EHBP1: variants seen among roughly 807,000 people sequenced by gnomAD.
EHBP1 encodes the protein EH domain binding protein 1, also known as EH domain-binding protein 1.
In EHBP1, 55 loss-of-function variants were observed where a neutral mutation model predicts 144.0. That is an observed-to-expected ratio of 0.38 (90% CI 0.31 to 0.48). The LOEUF is 0.48. EHBP1 is among the 20% of genes least tolerant of loss of function. The pLI is 0.98. For missense variants in EHBP1, 1,200 were observed against 1,364.2 expected (o/e 0.88, Z 1.90); for synonymous variants, 469 against 472.7 (o/e 0.99, Z 0.10).
rs528549917 is a variant in EHBP1, at chr2:62,833,639, A to C, written c.634+2481A>C. Among the ~76,000 whole-genome samples the C allele has an allele frequency of 3.9e-4, 60 of 152,332 alleles. 1 individual carries two copies. Among genetic ancestry groups the C allele is most frequent in the Admixed American group, 1.8e-3 (27 of 15,292 alleles). On this transcript the variant is annotated intron_variant, in intron 7 of 22. Coordinates refer to ENST00000431489, the MANE Select transcript of EHBP1 (RefSeq NM_001142616.3). The stretch of plus-strand genomic sequence containing the variant: ...TTTTAGTACACTCCCTGAAAAAACA[A>C]CACCACTGCTCATTGACAGCGTACC...
intron 10 of EHBP1, among the ~76,000 whole-genome samples, chr2:62,920,059 A>T (rs2054947498): frequency 6.6e-6 from 1 of 152,166 alleles, no homozygotes; most frequent in South Asian, 2.1e-4. Flanking sequence ...AAAGGGAGAG[A>T]TAATATTTGA....
chr2:63,026,021 G>C (rs1176369961), intron 19 of EHBP1, among the ~76,000 whole-genome samples: 2 of 152,186 alleles, frequency 1.3e-5, no homozygotes, highest in African/African-American at 4.8e-5. Context: ...ATTTAAAAAG[G>C]CCGAATGATG....
chr2:62,866,206 C>G (rs1206908528), intron 9 of EHBP1, among the ~76,000 whole-genome samples: 1 of 152,200 alleles, frequency 6.6e-6, no homozygotes, highest in African/African-American at 2.4e-5. Flanking sequence ...CTAGGCCTAC[C>G]TAACAAAGCT....
At chr2:62,865,074 A>G (rs576417835) in intron 9 of EHBP1, 103 bp downstream of exon 9, 15 of 1,292,640 alleles carry the variant, frequency 1.2e-5, no homozygotes, top group Middle Eastern at 2.1e-4. Flanking sequence ...ATTAATGTAC[A>G]CTTTATAAGT....
At chr2:62,808,218 C>CTTTTTTTTTTTTTTTTTT (rs59599464) in intron 5 of EHBP1, among the ~76,000 whole-genome samples, 1 of 138,130 alleles carries the variant, frequency 7.2e-6, no homozygotes, top group Non-Finnish European at 1.6e-5. Context: ...TCTTCTGTTC[C>CTTTTTTTTTTTTTTTTTT]TTTTTTTTTT....
intron 2 of EHBP1, among the ~76,000 whole-genome samples, chr2:62,734,519 A>C (rs756310083): frequency 2.6e-5 from 4 of 151,972 alleles, no homozygotes; most frequent in Non-Finnish European, 5.9e-5. Context: ...GTCTACATCT[A>C]CTTACTTTTA....
intron 5 of EHBP1, among the ~76,000 whole-genome samples, chr2:62,801,259 A>G (rs1002703477): frequency 1.3e-5 from 2 of 152,244 alleles, no homozygotes; most frequent in African/African-American, 4.8e-5. Context: ...TAAAAGAAGT[A>G]CTTGTGGTCG....
chr2:62,959,267 G>A (rs1347035613), intron 14 of EHBP1, among the ~76,000 whole-genome samples: 1 of 152,004 alleles, frequency 6.6e-6, no homozygotes, highest in Non-Finnish European at 1.5e-5. Context: ...CATTTTATCC[G>A]TTCATCTGTC....
intron 19 of EHBP1, among the ~76,000 whole-genome samples, chr2:63,009,538 T>C (rs1262192114): frequency 6.6e-6 from 1 of 151,604 alleles, no homozygotes; most frequent in Non-Finnish European, 1.5e-5. Context: ...CTCATTGCTT[T>C]AACTAGGGAA....
At chr2:62,810,250 G>A (rs1199693720) in intron 5 of EHBP1, among the ~76,000 whole-genome samples, 1 of 152,132 alleles carries the variant, frequency 6.6e-6, no homozygotes, top group Non-Finnish European at 1.5e-5. Flanking sequence ...AAAAAGTATA[G>A]CATTAAAAGA....
At position 63,045,526 on chromosome 2, in the gene EHBP1, C is replaced by A; in HGVS notation, c.*26C>A. On this transcript the variant is annotated 3_prime_UTR_variant, in exon 23 of 23. Coordinates refer to ENST00000431489, the MANE Select transcript of EHBP1 (RefSeq NM_001142616.3). The surrounding 1 kb of genome is among the most constrained non-coding windows in gnomAD (Gnocchi z 5.7). ...CCATCAGATCAGAAAGAATCTCTCCCAACATTTTAGAGTCTTGCTTCCCAA... is the reference window on the plus strand; with the variant it reads ...CCATCAGATCAGAAAGAATCTCTCCAAACATTTTAGAGTCTTGCTTCCCAA... The A allele has an allele frequency of 6.4e-7, 1 of 1,571,718 alleles. No individual in the cohort carries two copies.
At chr2:62,936,416 G>C (rs181464254) in intron 10 of EHBP1, among the ~76,000 whole-genome samples, 16 of 152,124 alleles carry the variant, frequency 1.1e-4, no homozygotes, top group Non-Finnish European at 1.5e-5. Flanking sequence ...AGCAATTTTG[G>C]CTTTGCTGAT....
chr2:62,975,887 T>TATACACACACAC (rs1446154644), intron 14 of EHBP1, among the ~76,000 whole-genome samples: 35 of 123,752 alleles, frequency 2.8e-4, no homozygotes, highest in African/African-American at 8.6e-4. Context: ...TTACTGTATG[T>TATACACACACAC]ACACACACAC....
chr2:62,989,890 A>T (rs2059345769), intron 15 of EHBP1, among the ~76,000 whole-genome samples: 2 of 152,128 alleles, frequency 1.3e-5, no homozygotes, highest in South Asian at 4.1e-4. Flanking sequence ...TTTAAAAGAG[A>T]AGCCTTGCAA....
intron 3 of EHBP1, among the ~76,000 whole-genome samples, chr2:62,758,839 T>C (rs1420554190): frequency 6.6e-6 from 1 of 152,242 alleles, no homozygotes; most frequent in Non-Finnish European, 1.5e-5. Context: ...CTTTGCCTAA[T>C]GACAGTTATG....
intron 9 of EHBP1, among the ~76,000 whole-genome samples, chr2:62,869,268 A>G (rs1248669430): frequency 1.3e-5 from 2 of 152,244 alleles, no homozygotes; most frequent in African/African-American, 4.8e-5. Flanking sequence ...ACATACATGT[A>G]TCACTTGACC....
At chr2:62,940,830 GTTC>G (rs1399226722) in intron 10 of EHBP1, among the ~76,000 whole-genome samples, 1 of 152,106 alleles carries the variant, frequency 6.6e-6, no homozygotes, top group Non-Finnish European at 1.5e-5. Flanking sequence ...TTTTGGTTTA[GTTC>G]TTCTAGCCTT....
intron 3 of EHBP1, among the ~76,000 whole-genome samples, chr2:62,756,458 G>A (rs1263018399): frequency 2.0e-5 from 3 of 152,096 alleles, no homozygotes; most frequent in African/African-American, 7.2e-5. Context: ...GATGCAGTAT[G>A]TTCATGTATT....
At chr2:62,779,248 A>G (rs1343621075) in intron 5 of EHBP1, among the ~76,000 whole-genome samples, 1 of 152,128 alleles carries the variant, frequency 6.6e-6, no homozygotes, top group Non-Finnish European at 1.5e-5. Flanking sequence ...AACCTAATCA[A>G]ATTTCCACTA....
Sources: gnomAD v4.1 joint callset for allele counts (sites outside exome capture counted in the v4.1 genomes callset) on GRCh38, gnomAD v4.1.1 for gene constraint, Gnocchi (gnomAD v3.1) non-coding constraint, MANE v1.5 for transcripts, NCBI Gene and HGNC (gene_info 2026-07-23, HGNC 2026-07-21) for gene names.